The following RPS15 variants were observed in gnomAD, a reference collection of about 807,000 sequenced individuals.
RPS15 encodes ribosomal protein S15, also known as small ribosomal subunit protein uS19.
Under a neutral mutation model 14.9 loss-of-function variants are expected in RPS15, and 5 were observed. The ratio of observed to expected loss-of-function variants is 0.34; its 90% CI spans 0.18 to 0.70. RPS15 has a LOEUF of 0.70. Among genes scored for constraint, RPS15 ranks in the 30% least tolerant of loss-of-function variants. The pLI, the probability that RPS15 is intolerant of heterozygous loss-of-function variation, is 0.65. For synonymous variants in RPS15, 103 were observed against 85.0 expected (o/e 1.21, Z -1.16); for missense variants, 102 against 204.2 (o/e 0.50, Z 3.05).
chr19:1,438,498 G>A lies in RPS15; in HGVS notation c.3+70G>A, dbSNP rs750690165. ...CCATCCAACCTCTGACCGTCTCGCGGGGGCCGCAGTTCGTCCCCGCGGCTA... is the reference window on the plus strand; with the variant it reads ...CCATCCAACCTCTGACCGTCTCGCGAGGGCCGCAGTTCGTCCCCGCGGCTA... On this transcript the variant is annotated intron_variant, in intron 1 of 3. Transcript: ENST00000592588. The surrounding 1 kb of genome is among the most constrained non-coding windows in gnomAD (Gnocchi z 4.8). 1.9e-6 allele frequency: 3 copies of A among 1,611,600 alleles called. No individual in the cohort carries two copies. Among genetic ancestry groups the A allele is most frequent in the Non-Finnish European group, 2.5e-6 (3 of 1,179,334 alleles).
rs995215656 is a variant in RPS15 at position 1,439,897 on chromosome 19, G to C, written c.90-122G>C. 1.7e-5 allele frequency: 14 copies of C among 822,940 alleles called. No homozygotes were observed. The Admixed American group carries it at 2.2e-4, about 13-fold the overall frequency. 51.0% of individuals were successfully genotyped at this position (822,940 alleles called of 1,614,324 possible). A position where few individuals can be genotyped will look rare whatever the true frequency, so the allele number is the denominator to read the frequency against. ...TTCATTGTAGTCACTACAATGGACA[G>C]TGACAGGTCCACTGCGGCTCTGTCC... On this transcript the variant is annotated intron_variant, in intron 2 of 3. Transcript: ENST00000592588.
chr19:1,439,892 G>A, intron 2 of RPS15, 127 bp from the exon 3 acceptor site: 1 of 797,588 alleles, frequency 1.3e-6, no homozygotes, highest in East Asian at 2.7e-5. Context: ...TCACTACAAT[G>A]GACAGTGACA....
rs553199685 is a variant in RPS15 at position 1,438,911 on chromosome 19, G to T, written c.89+19G>T. 1.3e-6 allele frequency: 2 copies of T among 1,555,088 alleles called. No homozygotes were observed. Among genetic ancestry groups the T allele is most frequent in the Admixed American group, 1.9e-5 (1 of 52,504 alleles). ...TGTCCTAGTAAGGGCGGCCGCGGGG[G>T]TCGCGGGCAGGGGCTGGGCCAGCGG... On this transcript the variant is annotated intron_variant, in intron 2 of 3. Coordinates refer to ENST00000592588, the MANE Select transcript of RPS15 (RefSeq NM_001018.5). This position sits in a 1 kb window ranked among gnomAD's most constrained non-coding sequence, Gnocchi z 4.8.
At position 1,438,405 on chromosome 19, in the gene RPS15, C is replaced by T. The variant is rs766223650; in HGVS notation, c.-21C>T. ...CTGCGCAGGCGCGGACCAAAGCGAT[C>T]TCTTCTGAGGATCCGGCAAGATGGT... On this transcript the variant is annotated 5_prime_UTR_variant, in exon 1 of 4. Transcript: ENST00000592588. The surrounding 1 kb of genome is among the most constrained non-coding windows in gnomAD (Gnocchi z 4.8). 9.9e-6 allele frequency: 16 copies of T among 1,613,290 alleles called. No homozygotes were observed. In the East Asian group the frequency reaches 1.1e-4, roughly 11 times the overall value.
At chr19:1,439,702 C>A (rs1325870724) in intron 2 of RPS15, 1 of 585,514 alleles carries the variant, frequency 1.7e-6, no homozygotes, top group Non-Finnish European at 3.0e-6. Flanking sequence ...ACCTGCCTTC[C>A]CCTGCGTTTT....
At chr19:1,439,838 A>G in intron 2 of RPS15, 181 bp from the exon 3 acceptor site, 1 of 649,620 alleles carries the variant, frequency 1.5e-6, no homozygotes, top group Non-Finnish European at 2.8e-6. Flanking sequence ...TGAGTCGCGC[A>G]TATCTGGCGG....
In RPS15 at chr19:1,440,334, CT is replaced by C. The variant is rs1235945989; in HGVS notation, c.325-13del. 2 of 1,613,308 alleles carry C rather than the reference CT, an allele frequency of 1.2e-6. No homozygotes were observed. The highest frequency in any genetic ancestry group is 2.7e-5 in the African/African-American group (2 of 74,914). On this transcript the variant is annotated splice_polypyrimidine_tract_variant and intron_variant, in intron 3 of 3. Transcript: ENST00000592588. ...GGATCAGCTGACACCCAGCTTTGCT[CT>C]TGGTCTCCCGCAGCCCGAGATGATC... is the stretch of plus-strand genomic sequence containing the variant.
chr19:1,438,578 TTGG>T lies in RPS15; in HGVS notation c.3+154_3+156del. On this transcript the variant is annotated intron_variant, in intron 1 of 3. Transcript: ENST00000592588. The surrounding 1 kb of genome is among the most constrained non-coding windows in gnomAD (Gnocchi z 4.8). ...CTGGATGTTGGGGCGAGGGGCGGAC[TTGG>T]TGGGTGTCGGGACGACGCGGGGCTG... 6.4e-7 allele frequency: 1 copy of T among 1,557,410 alleles called. No individual in the cohort carries two copies. The highest frequency in any genetic ancestry group is 8.7e-7 in the Non-Finnish European group (1 of 1,149,936).
chr19:1,439,412 C>T lies in RPS15; in HGVS notation c.89+520C>T, dbSNP rs181228261. 251 of 177,750 alleles carry T rather than the reference C, an allele frequency of 1.4e-3. 1 individual carries two copies. In the East Asian group the frequency reaches 0.02, roughly 14 times the overall value. The allele number at this position is 177,750 out of a possible 1,614,324, so 11.0% of individuals were successfully genotyped here. ...CGAGTAGCTGGGATTAGAGGGCCCC[C>T]CCACCACGTCCGGCTAATTTTTGTA... On this transcript the variant is annotated intron_variant, in intron 2 of 3. Coordinates refer to ENST00000592588, the MANE Select transcript of RPS15 (RefSeq NM_001018.5).
At chr19:1,439,159 GA>G (rs1446575966) in intron 2 of RPS15, 12 of 480,120 alleles carry the variant, frequency 2.5e-5, no homozygotes, top group Admixed American at 2.5e-4. Context: ...ACGTGACTTA[GA>G]ATAAGGGGCT....
In RPS15 at chr19:1,438,726, T is replaced by C; in HGVS notation, c.4-81T>C. 6 of 1,538,556 alleles carry C rather than the reference T, an allele frequency of 3.9e-6. No homozygotes were observed. The highest frequency in any genetic ancestry group is 2.0e-5 in the Admixed American group (1 of 51,092). ...CTTCTGTCCCCGGCGGCGCCGCGCG[T>C]CTTCCGCGGTGTCCTCGGGCCCGGT... is the stretch of plus-strand genomic sequence containing the variant. On this transcript the variant is annotated intron_variant, in intron 1 of 3. Transcript: ENST00000592588. The surrounding 1 kb of genome is among the most constrained non-coding windows in gnomAD (Gnocchi z 4.8).
Position 1,440,269 on chromosome 19 carries a change from C to G in RPS15, c.324+16C>G. 1 of 1,611,468 alleles carries G rather than the reference C, an allele frequency of 6.2e-7. No homozygotes were observed. Among genetic ancestry groups the G allele is most frequent in the Non-Finnish European group, 8.5e-7 (1 of 1,178,696 alleles). ...GGAGATCAAGGTGTGTGCGGCCGTC[C>G]CTGCCGGCTGGGGTGGGCTGGGGTC... On this transcript the variant is annotated intron_variant, in intron 3 of 3. Transcript: ENST00000592588.
rs988477047 is a variant in RPS15 at position 1,438,991 on chromosome 19, G to T, written c.89+99G>T. Reference sequence around the variant, plus strand: ...CGGGGGTCCAAGCGCCTCTGCGGCGGTGGGCGGGCACGGTCTCCGCGCGGG... The same window carrying T: ...CGGGGGTCCAAGCGCCTCTGCGGCGTTGGGCGGGCACGGTCTCCGCGCGGG... On this transcript the variant is annotated intron_variant, in intron 2 of 3. Transcript: ENST00000592588. This position sits in a 1 kb window ranked among gnomAD's most constrained non-coding sequence, Gnocchi z 4.8. The T allele has an allele frequency of 7.3e-6, 7 of 959,220 alleles. No homozygotes were observed. Among genetic ancestry groups the T allele is most frequent in the South Asian group, 1.7e-5 (1 of 60,396 alleles). The allele number at this position is 959,220 out of a possible 1,614,324, so 59.4% of individuals were successfully genotyped here. A position where few individuals can be genotyped will look rare whatever the true frequency, so the allele number is the denominator to read the frequency against.
Position 1,438,413 on chromosome 19 carries a change from A to T in RPS15, c.-13A>T. ...GCGCGGACCAAAGCGATCTCTTCTG[A>T]GGATCCGGCAAGATGGTGAGTGTTG... On this transcript the variant is annotated 5_prime_UTR_variant, in exon 1 of 4. Coordinates refer to ENST00000592588, the MANE Select transcript of RPS15 (RefSeq NM_001018.5). This position sits in a 1 kb window ranked among gnomAD's most constrained non-coding sequence, Gnocchi z 4.8. The T allele has an allele frequency of 6.2e-7, 1 of 1,613,398 alleles. No individual in the cohort carries two copies. Among genetic ancestry groups the T allele is most frequent in the Non-Finnish European group, 8.5e-7 (1 of 1,179,874 alleles).
Position 1,438,436 on chromosome 19 carries a change from T to C in RPS15, c.3+8T>C, listed in dbSNP as rs772796650. The C allele has an allele frequency of 7.4e-6, 12 of 1,613,438 alleles. No individual in the cohort carries two copies. The South Asian group carries it at 8.8e-5, about 12-fold the overall frequency. ...TGAGGATCCGGCAAGATGGTGAGTG[T>C]TGCGATTTGGCGCGTCTCTGCCGGG... On this transcript the variant is annotated splice_region_variant and intron_variant, in intron 1 of 3. Coordinates refer to ENST00000592588, the MANE Select transcript of RPS15 (RefSeq NM_001018.5). This position sits in a 1 kb window ranked among gnomAD's most constrained non-coding sequence, Gnocchi z 4.8.
In RPS15 at chr19:1,440,003, GGT is replaced by G. The variant is rs2083640347; in HGVS notation, c.90-14_90-13del. The G allele has an allele frequency of 6.5e-7, 1 of 1,543,188 alleles. No homozygotes were observed. The highest frequency in any genetic ancestry group is 2.0e-5 in the Admixed American group (1 of 50,994). On this transcript the variant is annotated splice_polypyrimidine_tract_variant and intron_variant, in intron 2 of 3. Coordinates refer to ENST00000592588, the MANE Select transcript of RPS15 (RefSeq NM_001018.5). Reference sequence around the variant, plus strand: ...GGCCGGGCCGCTCACAAAACTGCCTGGTGCATCCTCCCCAGCGAGCAGCTGAT... The same window carrying G: ...GGCCGGGCCGCTCACAAAACTGCCTGGCATCCTCCCCAGCGAGCAGCTGAT...
Position 1,440,331 on chromosome 19 carries a change from G to A in RPS15, c.325-18G>A. Reference sequence around the variant, plus strand: ...GCGGGATCAGCTGACACCCAGCTTTGCTCTTGGTCTCCCGCAGCCCGAGAT... The same window carrying A: ...GCGGGATCAGCTGACACCCAGCTTTACTCTTGGTCTCCCGCAGCCCGAGAT... On this transcript the variant is annotated intron_variant, in intron 3 of 3. Coordinates refer to ENST00000592588, the MANE Select transcript of RPS15 (RefSeq NM_001018.5). 1 of 1,612,928 alleles carries A rather than the reference G, an allele frequency of 6.2e-7. No individual in the cohort carries two copies. Among genetic ancestry groups the A allele is most frequent in the Non-Finnish European group, 8.5e-7 (1 of 1,179,160 alleles).
chr19:1,440,030 T>G lies in RPS15; in HGVS notation c.101T>G (p.Met34Arg). ...QLLDMSYEQL[M>R]QLYSARQRRR... ...TGCATCCTCCCCAGCGAGCAGCTGA[T>G]GCAGCTGTACAGTGCGCGCCAGCGG... The change falls in exon 3 of 4, where the codon ATG becomes AGG. Residue 34 changes from methionine to arginine, a missense_variant. Met to Arg is a moderately conservative substitution (Grantham distance 91, BLOSUM62 -1). This residue lies in a region of RPS15 where 70 missense variants were observed against 96.8 expected (regional missense o/e 0.72). Transcript: ENST00000592588. 6.4e-7 allele frequency: 1 copy of G among 1,552,068 alleles called. No individual in the cohort carries two copies. The highest frequency in any genetic ancestry group is 1.2e-5 in the South Asian group (1 of 84,222).
In RPS15 at chr19:1,438,597, C is replaced by T. The variant is rs1459638629; in HGVS notation, c.3+169C>T. ...GCGGACTTGGTGGGTGTCGGGACGA[C>T]GCGGGGCTGGGAAGGCCTGTCCGGG... is the stretch of plus-strand genomic sequence containing the variant. On this transcript the variant is annotated intron_variant, in intron 1 of 3. Transcript: ENST00000592588. This position sits in a 1 kb window ranked among gnomAD's most constrained non-coding sequence, Gnocchi z 4.8. 1.3e-6 allele frequency: 2 copies of T among 1,544,556 alleles called. No individual in the cohort carries two copies. The highest frequency in any genetic ancestry group is 1.4e-5 in the African/African-American group (1 of 72,862).
Sources: allele counts gnomAD v4.1 joint callset, GRCh38; gene constraint gnomAD v4.1.1; regional missense constraint gnomAD v4.1.1; non-coding constraint Gnocchi (gnomAD v3.1); transcripts MANE v1.5; gene names NCBI Gene and HGNC (gene_info 2026-07-23, HGNC 2026-07-21).